The following KCNT1 variants were observed in gnomAD, a reference collection of about 807,000 sequenced individuals.
KCNT1 encodes potassium channel subfamily T member 1.
KCNT1 carries 78 observed loss-of-function variants against 147.8 expected under a neutral mutation model. The ratio of observed to expected loss-of-function variants is 0.53; its 90% CI spans 0.44 to 0.64. The LOEUF (loss-of-function observed/expected upper bound fraction) is 0.64. Among genes scored for constraint, KCNT1 ranks in the 30% least tolerant of loss-of-function variants. KCNT1 has a pLI of 0.00. For synonymous variants in KCNT1, 867 were observed against 748.8 expected, an observed-to-expected ratio of 1.16 and a Z score of -2.58; for missense variants, 1,419 against 1,750.3, an observed-to-expected ratio of 0.81 and a Z score of 3.38.
chr9:135,785,603 G>GCCCCACCAAGGCAGGCAGC (rs1833985166), intron 28 of KCNT1: 3 of 601,126 alleles, frequency 5.0e-6, no homozygotes, highest in East Asian at 2.8e-5. Context: ...CCCCTCCCAG[G>GCCCCACCAAGGCAGGCAGC]CCCCACCAAG....
chr9:135,762,577 G>A (rs117828380), intron 11 of KCNT1, among the ~76,000 whole-genome samples: 1,901 of 151,812 alleles, frequency 0.013, 34 homozygotes, highest in East Asian at 0.038. Context: ...GCAAAACCCC[G>A]TCTCTACCAA....
Position 135,793,230 on chromosome 9 carries a change from G to C in KCNT1, c.*1069G>C, listed in dbSNP as rs1400774167. On this transcript the variant is annotated 3_prime_UTR_variant, in exon 31 of 31. Coordinates refer to ENST00000371757, the MANE Select transcript of KCNT1 (RefSeq NM_020822.3). ...TTTAAGGGTTACAAACACCTGCTGGGGTCCCCACCCCAACCCCATAGGCAA... is the reference window on the plus strand; with the variant it reads ...TTTAAGGGTTACAAACACCTGCTGGCGTCCCCACCCCAACCCCATAGGCAA... 6.6e-6 allele frequency: 1 copy of C among 152,174 alleles called. No homozygotes were observed. The highest frequency in any genetic ancestry group is 1.5e-5 in the Non-Finnish European group (1 of 68,040). The allele number at this position is 152,174 out of a possible 1,614,324, so 9.4% of individuals were successfully genotyped here. A position where few individuals can be genotyped will look rare whatever the true frequency, so the allele number is the denominator to read the frequency against.
At chr9:135,791,390 TGTGCAG>T in intron 29 of KCNT1, 1 of 234,976 alleles carries the variant, frequency 4.3e-6, no homozygotes. Flanking sequence ...TCTGCAGGTG[TGTGCAG>T]GTGTAGATGA....
Position 135,752,258 on chromosome 9 carries a change from G to C in KCNT1, c.434+1217G>C, listed in dbSNP as rs1831219156. The C allele has an allele frequency of 2.3e-6, 1 of 428,320 alleles. No individual in the cohort carries two copies. The highest frequency in any genetic ancestry group is 4.7e-6 in the Non-Finnish European group (1 of 214,350). The allele number at this position is 428,320 out of a possible 1,614,324, so 26.5% of individuals were successfully genotyped here. A position where few individuals can be genotyped will look rare whatever the true frequency, so the allele number is the denominator to read the frequency against. ...GAGCCTGGCTTCTGGGGACCTAAAG[G>C]CGTCCATGTAAACTTTTGCTCAATC... On this transcript the variant is annotated intron_variant, in intron 4 of 30. Transcript: ENST00000371757. This position sits in a 1 kb window ranked among gnomAD's most constrained non-coding sequence, Gnocchi z 5.1.
intron 2 of KCNT1, among the ~76,000 whole-genome samples, chr9:135,744,887 C>T (rs993332793): frequency 2.6e-5 from 4 of 152,240 alleles, no homozygotes; most frequent in East Asian, 3.9e-4. Context: ...TGCTCCTGGG[C>T]TGTAGGCCGT....
At position 135,702,277 on chromosome 9, in the gene KCNT1, G is replaced by T. The variant is rs1835062307; in HGVS notation, c.19G>T (p.Ala7Ser). Residue 7 changes from alanine (A) to serine (S), a missense_variant, in exon 1 of 31, where the codon GCG (alanine) becomes TCG (serine). Ala to Ser is a moderately conservative substitution (Grantham distance 99, BLOSUM62 1). Around this residue, in one of 5 missense-constraint regions of KCNT1, gnomAD observed 181 missense variants for 155.7 expected, o/e 1.16. Coordinates refer to ENST00000371757, the MANE Select transcript of KCNT1 (RefSeq NM_020822.3). ...AGGCCGCATGCCACTCCCTGACGGG[G>T]CGCGGACCCCGGGGGGCGTCTGCCG... MPLPDG[A>S]RTPGGVCREA... The T allele has an allele frequency of 6.2e-6, 10 of 1,608,910 alleles. No homozygotes were observed. The highest frequency in any genetic ancestry group is 1.3e-5 in the African/African-American group (1 of 74,662).
intron 11 of KCNT1, among the ~76,000 whole-genome samples, chr9:135,760,567 G>T (rs1831848275): frequency 6.6e-6 from 1 of 152,184 alleles, no homozygotes. Context: ...CCAGGTGGCT[G>T]CAGGATGCCG....
At position 135,759,736 on chromosome 9, in the gene KCNT1, C is replaced by T. The variant is rs745742320; in HGVS notation, c.912C>T (p.Ser304=). 1 of 1,613,558 alleles carries T rather than the reference C, an allele frequency of 6.2e-7. No individual in the cohort carries two copies. The highest frequency in any genetic ancestry group is 2.2e-5 in the East Asian group (1 of 44,868). The part of the protein sequence containing the change: ...RAGENLSLLT[S]FYFCIVTFST... ...GCGAGAACCTGTCCCTCCTGACCTC[C>T]TTCTACTTCTGCATCGTCACCTTCT... is the stretch of plus-strand genomic sequence containing the variant. Residue 304 remains serine (S), a synonymous_variant, in exon 11 of 31, where the codon TCC becomes TCT. Coordinates refer to ENST00000371757, the MANE Select transcript of KCNT1 (RefSeq NM_020822.3).
At position 135,793,005 on chromosome 9, in the gene KCNT1, ATCT is replaced by A. The variant is rs538845433; in HGVS notation, c.*848_*850del. 3 of 152,270 alleles carry A rather than the reference ATCT, an allele frequency of 2.0e-5. No individual in the cohort carries two copies. The South Asian group carries it at 6.2e-4, about 32-fold the overall frequency. 9.4% of individuals were successfully genotyped at this position (152,270 alleles called of 1,614,324 possible). A position where few individuals can be genotyped will look rare whatever the true frequency, so the allele number is the denominator to read the frequency against. ...GGGCTGGGCCACGTGGAGAGAGAGG[ATCT>A]TCTCAGCAAGGCGAGATCCCGGGCG... On this transcript the variant is annotated 3_prime_UTR_variant, in exon 31 of 31. Transcript: ENST00000371757.
intron 18 of KCNT1, among the ~76,000 whole-genome samples, chr9:135,771,579 A>G (rs908449190): frequency 1.3e-5 from 2 of 152,182 alleles, no homozygotes; most frequent in Non-Finnish European, 2.9e-5. Context: ...TGTGTCCCTC[A>G]AACAGTCGGG....
intron 30 of KCNT1, 57 bp downstream of exon 30, chr9:135,791,938 G>A (rs1185797172): frequency 1.9e-6 from 3 of 1,611,136 alleles, no homozygotes; most frequent in Admixed American, 1.7e-5. Flanking sequence ...GTGGGCACTG[G>A]GGAGATGAGG....
intron 13 of KCNT1, 69 bp from the exon 14 acceptor site, chr9:135,768,541 C>A: frequency 2.3e-6 from 3 of 1,315,978 alleles, no homozygotes; most frequent in Middle Eastern, 1.9e-4. Flanking sequence ...CCCCACCTCA[C>A]CTCCGCACCC....
intron 2 of KCNT1, among the ~76,000 whole-genome samples, chr9:135,739,021 C>A (rs969982861): frequency 6.6e-6 from 1 of 152,114 alleles, no homozygotes; most frequent in African/African-American, 2.4e-5. Flanking sequence ...ACCCCTGGAC[C>A]TAGGCGGCCT....
At position 135,757,391 on chromosome 9, in the gene KCNT1, G is replaced by T; in HGVS notation, c.759+10G>T. On this transcript the variant is annotated intron_variant, in intron 9 of 30. Transcript: ENST00000371757. ...GCTGGAAAACATGATTGTAAGCCGG[G>T]GCGGGGGGTGCAGCTGGGACTTGGG... 2.5e-6 allele frequency: 4 copies of T among 1,605,378 alleles called. No individual in the cohort carries two copies. Among genetic ancestry groups the T allele is most frequent in the Non-Finnish European group, 3.4e-6 (4 of 1,179,644 alleles).
chr9:135,786,632 T>A (rs1003995747), intron 29 of KCNT1, 111 bp downstream of exon 29: 1 of 1,028,450 alleles, frequency 9.7e-7, no homozygotes, highest in African/African-American at 1.7e-5. Context: ...TCCTCCTGTC[T>A]GTCATCTGTC....
chr9:135,726,904 A>C (rs1184937684), intron 2 of KCNT1, among the ~76,000 whole-genome samples: 72 of 5,286 alleles, frequency 0.014, no homozygotes, highest in African/African-American at 0.023. Context: ...CCTCTTTCCC[A>C]TTCTCTCTCT....
At chr9:135,732,020 A>AGCGC (rs1187487450) in intron 2 of KCNT1, among the ~76,000 whole-genome samples, 9 of 126,312 alleles carry the variant, frequency 7.1e-5, no homozygotes, top group African/African-American at 2.7e-4. Context: ...AGAGAGAGAG[A>AGCGC]GAGAGAGAGA....
chr9:135,755,313 A>G, intron 6 of KCNT1, 144 bp downstream of exon 6: 1 of 599,524 alleles, frequency 1.7e-6, no homozygotes, highest in Non-Finnish European at 2.7e-6. Context: ...GAACAAACCC[A>G]GGCTCAGTGA....
chr9:135,707,062 A>G (rs1352880644), intron 1 of KCNT1, among the ~76,000 whole-genome samples: 2 of 150,416 alleles, frequency 1.3e-5, no homozygotes, highest in African/African-American at 2.5e-5. Flanking sequence ...AGGCGGGAGG[A>G]TTGTTTGAGG....
Sources: allele counts gnomAD v4.1 joint callset (sites outside exome capture counted in the v4.1 genomes callset), GRCh38; gene constraint gnomAD v4.1.1; regional missense constraint gnomAD v4.1.1; non-coding constraint Gnocchi (gnomAD v3.1); transcripts MANE v1.5; gene names NCBI Gene and HGNC (gene_info 2026-07-23, HGNC 2026-07-21).